Variants in SUMF1 observed in about 807,000 individuals in gnomAD.
SUMF1 encodes the protein formylglycine-generating enzyme.
Under a neutral mutation model 47.6 loss-of-function variants are expected in SUMF1, and 48 were observed. The ratio of observed to expected loss-of-function variants is 1.01; its 90% CI spans 0.80 to 1.28. SUMF1 has a LOEUF of 1.28. Ranked by LOEUF, SUMF1 falls within the 50% of genes most tolerant of loss-of-function variation. The pLI is 0.00. For synonymous variants in SUMF1, 230 were observed against 192.1 expected, an observed-to-expected ratio of 1.20 and a Z score of -1.63; for missense variants, 571 against 485.4, an observed-to-expected ratio of 1.18 and a Z score of -1.66.
intron 8 of SUMF1, among the ~76,000 whole-genome samples, chr3:4,252,534 G>T (rs1034649394): frequency 1.3e-5 from 2 of 152,136 alleles, no homozygotes; most frequent in Admixed American, 6.5e-5. Flanking sequence ...AGTAGGGAAT[G>T]AAGGCAACCA....
intron 6 of SUMF1, among the ~76,000 whole-genome samples, chr3:4,412,246 GA>G (rs1204480382): frequency 6.6e-6 from 1 of 152,048 alleles, no homozygotes; most frequent in Admixed American, 6.6e-5. Context: ...TAATGAGGGA[GA>G]AAAAAAGAAT....
chr3:4,108,482 A>C (rs1040897705), intron 8 of SUMF1, among the ~76,000 whole-genome samples: 1 of 151,886 alleles, frequency 6.6e-6, no homozygotes, highest in Non-Finnish European at 1.5e-5. Context: ...TATCCTTGTT[A>C]ACTTTCTGTC....
intron 8 of SUMF1, among the ~76,000 whole-genome samples, chr3:4,179,343 G>A (rs998804246): frequency 6.6e-5 from 10 of 151,958 alleles, no homozygotes; most frequent in Non-Finnish European, 1.0e-4. Flanking sequence ...CAGAGATATA[G>A]GCCAATGGAA....
chr3:4,376,180 G>T, intron 8 of SUMF1, 150 bp downstream of exon 8: 2 of 973,136 alleles, frequency 2.1e-6, no homozygotes, highest in South Asian at 1.3e-5. Flanking sequence ...AACCAAATTT[G>T]AGATGACTGT....
intron 8 of SUMF1, among the ~76,000 whole-genome samples, chr3:4,145,983 G>T (rs925242721): frequency 1.3e-5 from 2 of 152,038 alleles, no homozygotes; most frequent in East Asian, 3.9e-4. Flanking sequence ...TAACAGAGAG[G>T]GAAAATCCAC....
intron 8 of SUMF1, among the ~76,000 whole-genome samples, chr3:4,147,917 A>G (rs540166620): frequency 1.3e-5 from 2 of 152,144 alleles, no homozygotes; most frequent in Non-Finnish European, 2.9e-5. Flanking sequence ...GAATCAGCTA[A>G]TGACCCTTTT....
Position 4,079,084 on chromosome 3 carries a change from C to T in SUMF1, c.1015-10339G>A, listed in dbSNP as rs943957677. 8.3e-4 allele frequency among the ~76,000 whole-genome samples: 126 copies of T among 152,050 alleles called. 1 individual carries two copies. The highest frequency in any genetic ancestry group is 1.2e-3 in the Non-Finnish European group (83 of 68,024). On this transcript the variant is annotated intron_variant and NMD_transcript_variant, in intron 8 of 12. Transcript: ENST00000448413. Reference sequence around the variant, plus strand: ...CCTCAGAGCAGTTCTGCGTGAGTCGCCTCACAGTCCCTGATGAGCAATTTC... The same window carrying T: ...CCTCAGAGCAGTTCTGCGTGAGTCGTCTCACAGTCCCTGATGAGCAATTTC...
intron 8 of SUMF1, among the ~76,000 whole-genome samples, chr3:4,114,358 A>AC (rs1300613021): frequency 6.6e-6 from 1 of 152,134 alleles, no homozygotes; most frequent in African/African-American, 2.4e-5. Flanking sequence ...ATGAGTCTAG[A>AC]CTACCATGTG....
chr3:4,327,614 ATACAAT>A (rs1475061041), intron 8 of SUMF1, among the ~76,000 whole-genome samples: 3 of 151,800 alleles, frequency 2.0e-5, no homozygotes. Context: ...TAGGAATCTT[ATACAAT>A]TTTGGAACAC....
intron 8 of SUMF1, among the ~76,000 whole-genome samples, chr3:4,188,411 A>C (rs1695248167): frequency 6.6e-6 from 1 of 152,132 alleles, no homozygotes; most frequent in South Asian, 2.1e-4. Flanking sequence ...CATCATACAG[A>C]ATATTTTCAC....
At chr3:4,194,731 T>C (rs373261591) in intron 8 of SUMF1, among the ~76,000 whole-genome samples, 56 of 152,300 alleles carry the variant, frequency 3.7e-4, no homozygotes, top group African/African-American at 1.3e-3. Context: ...TTACCAGAAT[T>C]ATTCTATGCT....
chr3:4,255,618 G>A (rs1052715888), intron 8 of SUMF1, among the ~76,000 whole-genome samples: 2 of 120,920 alleles, frequency 1.7e-5, no homozygotes, highest in Admixed American at 8.1e-5. Context: ...CATAAAGCAA[G>A]TCCTGAGTGA....
intron 8 of SUMF1, among the ~76,000 whole-genome samples, chr3:4,135,474 C>G (rs1381922726): frequency 7.2e-6 from 1 of 139,276 alleles, no homozygotes; most frequent in Non-Finnish European, 1.6e-5. Flanking sequence ...GGATGTATCT[C>G]AAAATAATAA....
chr3:4,300,533 T>C (rs887100462), intron 8 of SUMF1, among the ~76,000 whole-genome samples: 1 of 152,228 alleles, frequency 6.6e-6, no homozygotes, highest in Non-Finnish European at 1.5e-5. Flanking sequence ...ATAAGGCTGA[T>C]CTTTAATTTC....
rs187098031 is a variant in SUMF1 at position 4,326,864 on chromosome 3, C to T, written c.1014+49466G>A. ...GCTCTCTAACATCATCTCAATTTCTCAAAGCATTCTGGTCATATCTGAAAA... is the reference window on the plus strand; with the variant it reads ...GCTCTCTAACATCATCTCAATTTCTTAAAGCATTCTGGTCATATCTGAAAA... On this transcript the variant is annotated intron_variant and NMD_transcript_variant, in intron 8 of 12. Coordinates refer to the SUMF1 transcript ENST00000448413. Among the ~76,000 whole-genome samples, 743 of 152,212 alleles carry T rather than the reference C, an allele frequency of 4.9e-3. 8 individuals carry two copies. Among genetic ancestry groups the T allele is most frequent in the African/African-American group, 0.017 (709 of 41,540 alleles).
intron 8 of SUMF1, among the ~76,000 whole-genome samples, chr3:4,349,746 A>C (rs1333738757): frequency 6.6e-6 from 1 of 152,212 alleles, no homozygotes; most frequent in Non-Finnish European, 1.5e-5. Flanking sequence ...AGAAAAACAA[A>C]CACCACATGT....
intron 8 of SUMF1, among the ~76,000 whole-genome samples, chr3:4,366,904 G>A (rs998633200): frequency 6.6e-6 from 1 of 152,130 alleles, no homozygotes; most frequent in African/African-American, 2.4e-5. Context: ...TGGTGTGGAC[G>A]TCCTTTCTGT....
At chr3:4,294,320 T>C (rs376905019) in intron 8 of SUMF1, among the ~76,000 whole-genome samples, 1 of 152,118 alleles carries the variant, frequency 6.6e-6, no homozygotes, top group Non-Finnish European at 1.5e-5. Context: ...CTCAGCACTT[T>C]GGGAGGCCAA....
At chr3:4,383,380 A>AAAAT (rs1410391919) in intron 7 of SUMF1, among the ~76,000 whole-genome samples, 2 of 152,346 alleles carry the variant, frequency 1.3e-5, no homozygotes, top group African/African-American at 2.4e-5. Context: ...TTCCAACTCA[A>AAAAT]AAATAAATAA....
Sources: gnomAD v4.1 joint callset for allele counts (sites outside exome capture counted in the v4.1 genomes callset) on GRCh38, gnomAD v4.1.1 for gene constraint, MANE v1.5 for transcripts, NCBI Gene and HGNC (gene_info 2026-07-23, HGNC 2026-07-21) for gene names.